SLX4: variants seen among roughly 807,000 people sequenced by gnomAD.
SLX4 encodes SLX4 structure-specific endonuclease subunit.
A neutral mutation model predicts 146.2 loss-of-function variants in SLX4; 112 were observed. The ratio of observed to expected loss-of-function variants is 0.77; its 90% CI spans 0.66 to 0.90. The LOEUF is 0.90. Ranked by LOEUF, SLX4 falls within the 40% of genes least tolerant of loss-of-function variation. The probability of loss-of-function intolerance (pLI) is 0.00; values close to 1 mark genes in which losing one functional copy is unlikely to be tolerated. For synonymous variants in SLX4, 1,061 were observed against 997.7 expected, an observed-to-expected ratio of 1.06 and a Z score of -1.20; for missense variants, 2,563 against 2,392.7, an observed-to-expected ratio of 1.07 and a Z score of -1.49.
In SLX4 at chr16:3,590,312, C is replaced by G; in HGVS notation, c.3326G>C (p.Cys1109Ser). Residue 1109 changes from cysteine to serine, a missense_variant, in exon 12 of 15, where the codon TGC becomes TCC. Cys to Ser is a moderately radical substitution (Grantham distance 112). Coordinates refer to ENST00000294008, the MANE Select transcript of SLX4 (RefSeq NM_032444.4). The surrounding 1 kb of genome is among the most constrained non-coding windows in gnomAD (Gnocchi z 4.8). Reference protein sequence around the residue: ...KGKERRSVLECRNKGVLMFPE... With the variant: ...KGKERRSVLESRNKGVLMFPE... ...GAACATCAGGACCCCCTTATTTCTGCACTCCAGCACGGACCGACGCTCTTT... is the reference window on the plus strand; with the variant it reads ...GAACATCAGGACCCCCTTATTTCTGGACTCCAGCACGGACCGACGCTCTTT... 1 of 1,614,218 alleles carries G rather than the reference C, an allele frequency of 6.2e-7. No homozygotes were observed. The highest frequency in any genetic ancestry group is 8.5e-7 in the Non-Finnish European group (1 of 1,180,042).
chr16:3,585,738 A>G (rs1218124327), intron 12 of SLX4, among the ~76,000 whole-genome samples: 3 of 151,078 alleles, frequency 2.0e-5, no homozygotes, highest in Non-Finnish European at 4.4e-5. Flanking sequence ...CTGCACGCCC[A>G]CTAGGATGGC....
chr16:3,591,462 T>C, intron 11 of SLX4, 152 bp from the exon 12 acceptor site: 4 of 1,181,828 alleles, frequency 3.4e-6, no homozygotes, highest in Non-Finnish European at 4.8e-6. Flanking sequence ...TCCACACTCC[T>C]TGCCAGAAAC....
Position 3,609,086 on chromosome 16 carries a change from A to G in SLX4, c.-122T>C. The G allele has an allele frequency of 8.0e-7, 1 of 1,244,060 alleles. No individual in the cohort carries two copies. The highest frequency in any genetic ancestry group is 1.1e-6 in the Non-Finnish European group (1 of 887,238). 77.1% of individuals were successfully genotyped at this position (1,244,060 alleles called of 1,614,324 possible). On this transcript the variant is annotated 5_prime_UTR_variant, in exon 2 of 15. An upstream start codon of the reference 5' UTR is lost. Transcript: ENST00000294008. ...GTTCAAATTGGGCCTGTGGTTAAAC[A>G]TGTTTAAAGCTTCCCTCTGTTAAAG...
rs3810812 is a variant in SLX4 at position 3,589,138 on chromosome 16, A to G, written c.4500T>C (p.Asn1500=). 892,468 of 1,613,870 alleles carry G rather than the reference A, an allele frequency of 0.55. 256,101 individuals carry two copies. The highest frequency in any genetic ancestry group is 0.88 in the African/African-American group (66,188 of 74,992). The change falls in exon 12 of 15, where the codon AAT becomes AAC. Residue 1500 remains asparagine (N), a synonymous_variant. Coordinates refer to ENST00000294008, the MANE Select transcript of SLX4 (RefSeq NM_032444.4). The surrounding 1 kb of genome is among the most constrained non-coding windows in gnomAD (Gnocchi z 6.2). ...CCGAATTCAGAAAGCTCGGCCTGCT[A>G]TTCCCCAGGGAGCCCGCGCCCGAGG... ...EKSSGAGSLG[N]SRPSFLNSAL...
intron 3 of SLX4, among the ~76,000 whole-genome samples, chr16:3,603,627 T>C (rs2040752270): frequency 6.6e-6 from 1 of 152,272 alleles, no homozygotes; most frequent in East Asian, 1.9e-4. Context: ...GCTGTAGGTC[T>C]GCCGATAATG....
chr16:3,602,561 C>A (rs1228451347), intron 3 of SLX4, among the ~76,000 whole-genome samples: 1 of 152,194 alleles, frequency 6.6e-6, no homozygotes, highest in Non-Finnish European at 1.5e-5. Context: ...CACTCAGATT[C>A]AAATTCAAGG....
chr16:3,596,073 C>T, intron 8 of SLX4, 80 bp downstream of exon 8: 1 of 1,502,068 alleles, frequency 6.7e-7, no homozygotes, highest in East Asian at 2.5e-5. Context: ...GCACAAGAGC[C>T]AGTCCATGGC....
At chr16:3,600,766 TTG>T (rs1391795061) in intron 5 of SLX4, 11 of 527,884 alleles carry the variant, frequency 2.1e-5, no homozygotes, top group Admixed American at 9.5e-5. Context: ...ATGCTAATTT[TTG>T]TATTTTTAGT....
Position 3,589,090 on chromosome 16 carries a change from C to G in SLX4, c.4548G>C (p.Gly1516=), listed in dbSNP as rs530284803. ...GGGTCTCTGGAGGCCTCTGCTCTTC[C>G]CCGTCCCAAACGTCCCACAGAGCCG... ...LNSALWDVWD[G]EEQRPPETPP... Residue 1516 remains glycine (G), a synonymous_variant, in exon 12 of 15, where the codon GGG becomes GGC. Transcript: ENST00000294008. The surrounding 1 kb of genome is among the most constrained non-coding windows in gnomAD (Gnocchi z 6.2). 1.2e-6 allele frequency: 2 copies of G among 1,614,140 alleles called. No individual in the cohort carries two copies. Among genetic ancestry groups the G allele is most frequent in the Non-Finnish European group, 1.7e-6 (2 of 1,180,052 alleles).
rs1425569297 is a variant in SLX4 at position 3,609,295 on chromosome 16, C to G, written c.-331G>C. The G allele has an allele frequency of 1.0e-5, 3 of 289,308 alleles. No homozygotes were observed. Among genetic ancestry groups the G allele is most frequent in the South Asian group, 3.9e-5 (1 of 25,736 alleles). The allele number at this position is 289,308 out of a possible 1,614,324, so 17.9% of individuals were successfully genotyped here. On this transcript the variant is annotated 5_prime_UTR_variant, in exon 2 of 15. Transcript: ENST00000294008. ...TGGTAGCAGATGCCTGTAATCCCAG[C>G]TACTCGGGAGGCAGAGGCAAGAGAA...
chr16:3,603,083 C>T lies in SLX4; in HGVS notation c.761-776G>A, dbSNP rs541695990. ...TTTGTTTGTTTTTGAGATGGAGTCTCACACTCTGTCGCCAGGCTGGAGTGC... is the reference window on the plus strand; with the variant it reads ...TTTGTTTGTTTTTGAGATGGAGTCTTACACTCTGTCGCCAGGCTGGAGTGC... On this transcript the variant is annotated intron_variant, in intron 3 of 14. Coordinates refer to ENST00000294008, the MANE Select transcript of SLX4 (RefSeq NM_032444.4). Among the ~76,000 whole-genome samples the T allele has an allele frequency of 2.0e-5, 3 of 152,278 alleles. No homozygotes were observed. The South Asian group carries it at 6.2e-4, about 32-fold the overall frequency.
Position 3,589,596 on chromosome 16 carries a change from G to A in SLX4, c.4042C>T (p.Pro1348Ser). ...GGAGAGGAGTGCGGGTGGCCCCCGG[G>A]GTGGGGACGGGAAGGGCTTCTGTGG... The part of the protein sequence containing the change: ...QGHRSPSRPH[P>S]GGHPHSSPLA... Residue 1348 changes from proline (P) to serine (S), a missense_variant, in exon 12 of 15, where the codon CCC becomes TCC. Physicochemically the swap from Pro to Ser is moderately conservative, Grantham distance 74 (BLOSUM62 -1). Coordinates refer to ENST00000294008, the MANE Select transcript of SLX4 (RefSeq NM_032444.4). This position sits in a 1 kb window ranked among gnomAD's most constrained non-coding sequence, Gnocchi z 6.2. The A allele has an allele frequency of 6.2e-7, 1 of 1,613,702 alleles. No individual in the cohort carries two copies. Among genetic ancestry groups the A allele is most frequent in the East Asian group, 2.2e-5 (1 of 44,886 alleles).
intron 2 of SLX4, 139 bp downstream of exon 2, chr16:3,608,291 G>A (rs1209177220): frequency 2.2e-6 from 2 of 897,676 alleles, no homozygotes; most frequent in African/African-American, 1.6e-5. Context: ...TTTACATATT[G>A]TCCACGCCTG....
At position 3,592,817 on chromosome 16, in the gene SLX4, G is replaced by A. The variant is rs140706384; in HGVS notation, c.2209C>T (p.Arg737Cys). The change falls in exon 11 of 15, where the codon CGT becomes TGT. Residue 737 changes from arginine to cysteine, a missense_variant. By Grantham distance (180) the Arg-to-Cys change is radical. Transcript: ENST00000294008. ...GTGCTCACGTCACCCAGCAGGACACGCTGGGTCAGAACCCCGTCCTCTACA... is the reference window on the plus strand; with the variant it reads ...GTGCTCACGTCACCCAGCAGGACACACTGGGTCAGAACCCCGTCCTCTACA... ...SAVEDGVLTQ[R>C]VLLGDVSTEA... The A allele has an allele frequency of 1.1e-5, 17 of 1,612,388 alleles. No individual in the cohort carries two copies. In the South Asian group the frequency reaches 1.4e-4, roughly 14 times the overall value.
intron 8 of SLX4, among the ~76,000 whole-genome samples, 195 bp from the exon 9 acceptor site, chr16:3,595,888 C>T (rs2040646992): frequency 6.6e-6 from 1 of 152,226 alleles, no homozygotes; most frequent in Non-Finnish European, 1.5e-5. Flanking sequence ...AAGAGAAGAG[C>T]AAAACAGACA....
rs940106751 is a variant in SLX4, at chr16:3,585,800, C to T, written c.4637-929G>A. 6.6e-5 allele frequency among the ~76,000 whole-genome samples: 4 copies of T among 60,732 alleles called. No individual in the cohort carries two copies. In the East Asian group the frequency reaches 1.6e-3, roughly 25 times the overall value. 39.8% of individuals were successfully genotyped at this position (60,732 alleles called of 152,430 possible). A position where few individuals can be genotyped will look rare whatever the true frequency, so the allele number is the denominator to read the frequency against. The stretch of plus-strand genomic sequence containing the variant: ...GCAAAATGGCAGAACCCTATCTCTA[C>T]AAAAAAAAAAAAAAAAAAATACAAA... On this transcript the variant is annotated intron_variant, in intron 12 of 14. Transcript: ENST00000294008.
intron 7 of SLX4, among the ~76,000 whole-genome samples, chr16:3,596,648 C>T (rs1275316604): frequency 6.6e-6 from 1 of 152,238 alleles, no homozygotes; most frequent in Admixed American, 6.5e-5. Flanking sequence ...TGCACAAAGG[C>T]TTGTCAGAGG....
intron 12 of SLX4, among the ~76,000 whole-genome samples, chr16:3,588,379 C>T (rs545033219): frequency 1.2e-4 from 19 of 152,360 alleles, no homozygotes; most frequent in South Asian, 8.3e-4. Context: ...TTTTCTGGGT[C>T]GTCCACGCGG....
chr16:3,595,014 C>T (rs994579750), intron 9 of SLX4, among the ~76,000 whole-genome samples: 7 of 152,186 alleles, frequency 4.6e-5, no homozygotes, highest in Admixed American at 1.3e-4. Flanking sequence ...AGAGGACAGC[C>T]GGGTCCAGTC....
Sources: gnomAD v4.1 joint callset for allele counts (sites outside exome capture counted in the v4.1 genomes callset) on GRCh38, gnomAD v4.1.1 for gene constraint, Gnocchi (gnomAD v3.1) non-coding constraint, MANE v1.5 for transcripts, NCBI Gene and HGNC (gene_info 2026-07-23, HGNC 2026-07-21) for gene names.